Variants in RAB3C observed in about 807,000 individuals in gnomAD.
RAB3C encodes the protein ras-related protein Rab-3C.
RAB3C carries 17 observed loss-of-function variants against 26.4 expected under a neutral mutation model. The observed-to-expected ratio is 0.64, with a 90% confidence interval of 0.44 to 0.97. RAB3C has a LOEUF of 0.97. RAB3C is among the 50% of genes least tolerant of loss of function. The pLI is 0.00. For missense variants in RAB3C, 242 were observed against 281.9 expected, an observed-to-expected ratio of 0.86 and a Z score of 1.01; for synonymous variants, 91 against 95.9, an observed-to-expected ratio of 0.95 and a Z score of 0.30.
chr5:58,738,409 A>G (rs1330813586), intron 3 of RAB3C, among the ~76,000 whole-genome samples: 1 of 152,176 alleles, frequency 6.6e-6, no homozygotes, highest in African/African-American at 2.4e-5. Flanking sequence ...GTGTGTGTGC[A>G]TGTGCATGTG....
At chr5:58,766,064 T>G (rs914190565) in intron 3 of RAB3C, among the ~76,000 whole-genome samples, 5 of 152,096 alleles carry the variant, frequency 3.3e-5, no homozygotes, top group African/African-American at 1.2e-4. Context: ...CTGTATGGCT[T>G]GTGGAACTGT....
intron 2 of RAB3C, among the ~76,000 whole-genome samples, chr5:58,725,549 T>C (rs143578100): frequency 2.1e-3 from 324 of 152,046 alleles, no homozygotes; most frequent in Middle Eastern, 6.8e-3. Context: ...CTCTTTTGAA[T>C]GCCAATAATT....
At chr5:58,722,385 C>T (rs939617011) in intron 2 of RAB3C, among the ~76,000 whole-genome samples, 5 of 150,782 alleles carry the variant, frequency 3.3e-5, no homozygotes, top group Non-Finnish European at 7.4e-5. Context: ...GGGGTCCCAA[C>T]CTGTAAGAAT....
chr5:58,797,014 C>CACACACACA (rs1561133214), intron 3 of RAB3C, among the ~76,000 whole-genome samples: 2 of 149,432 alleles, frequency 1.3e-5, no homozygotes, highest in Non-Finnish European at 3.0e-5. Flanking sequence ...CACACACACA[C>CACACACACA]CTACCTTCCC....
In RAB3C at chr5:58,859,145, A is replaced by G. The variant is rs1183702117; in HGVS notation, c.*7794A>G. ...AGTGACCGACATTTAGTTGAAAACT[A>G]CTGCTGCATAGCAAATATTGTGACT... is the stretch of plus-strand genomic sequence containing the variant. On this transcript the variant is annotated 3_prime_UTR_variant, in exon 5 of 5. Coordinates refer to ENST00000282878, the MANE Select transcript of RAB3C (RefSeq NM_138453.4). The G allele has an allele frequency of 1.1e-4, 17 of 152,226 alleles. No individual in the cohort carries two copies. The allele number at this position is 152,226 out of a possible 1,614,324, so 9.4% of individuals were successfully genotyped here.
intron 3 of RAB3C, among the ~76,000 whole-genome samples, chr5:58,766,119 C>CTTTT (rs35659245): frequency 1.4e-5 from 2 of 138,440 alleles, no homozygotes; most frequent in African/African-American, 5.4e-5. Context: ...TCAGGTAATT[C>CTTTT]TTTTTTTTTT....
chr5:58,858,777 C>T lies in RAB3C; in HGVS notation c.*7426C>T, dbSNP rs1207518533. The T allele has an allele frequency of 6.6e-6, 1 of 152,174 alleles. No individual in the cohort carries two copies. Among genetic ancestry groups the T allele is most frequent in the African/African-American group, 2.4e-5 (1 of 41,456 alleles). 9.4% of individuals were successfully genotyped at this position (152,174 alleles called of 1,614,324 possible). On this transcript the variant is annotated 3_prime_UTR_variant, in exon 5 of 5. Coordinates refer to ENST00000282878, the MANE Select transcript of RAB3C (RefSeq NM_138453.4). ...AAATTACCCCAGTTTAGCTCCCTACCTTTTAGTCTCCGTGAGGAAGACAAG... is the reference window on the plus strand; with the variant it reads ...AAATTACCCCAGTTTAGCTCCCTACTTTTTAGTCTCCGTGAGGAAGACAAG...
intron 3 of RAB3C, among the ~76,000 whole-genome samples, chr5:58,821,226 C>T (rs1743334558): frequency 6.6e-6 from 1 of 152,198 alleles, no homozygotes; most frequent in South Asian, 2.1e-4. Context: ...ACTAATCTCA[C>T]TCTGGGTATC....
intron 2 of RAB3C, among the ~76,000 whole-genome samples, chr5:58,679,945 C>T (rs748568168): frequency 1.1e-4 from 17 of 152,150 alleles, no homozygotes; most frequent in Non-Finnish European, 2.5e-4. Context: ...TTCAGTTTGT[C>T]AGCAGATTTT....
chr5:58,708,036 G>A (rs1002597427), intron 2 of RAB3C, among the ~76,000 whole-genome samples: 2 of 150,816 alleles, frequency 1.3e-5, no homozygotes, highest in African/African-American at 4.9e-5. Context: ...TGTTGCCCAG[G>A]CTGGAATGCA....
Position 58,805,098 on chromosome 5 carries a change from A to G in RAB3C, c.372-19940A>G, listed in dbSNP as rs1742906423. Among the ~76,000 whole-genome samples the G allele has an allele frequency of 1.3e-5, 2 of 152,152 alleles. 1 individual carries two copies. The highest frequency in any genetic ancestry group is 4.1e-4 in the South Asian group (2 of 4,824). Reference sequence around the variant, plus strand: ...CATTTTCACCAAAGTGTACTCATTCATTCATTCATTTATTCAATTATAAAC... The same window carrying G: ...CATTTTCACCAAAGTGTACTCATTCGTTCATTCATTTATTCAATTATAAAC... On this transcript the variant is annotated intron_variant, in intron 3 of 4. Transcript: ENST00000282878.
chr5:58,681,512 T>G (rs912186877), intron 2 of RAB3C, among the ~76,000 whole-genome samples: 1 of 152,250 alleles, frequency 6.6e-6, no homozygotes, highest in Non-Finnish European at 1.5e-5. Flanking sequence ...AAAATTAAGA[T>G]GAAGTGTCAT....
intron 1 of RAB3C, among the ~76,000 whole-genome samples, chr5:58,607,109 A>C (rs1476135919): frequency 6.6e-6 from 1 of 152,174 alleles, no homozygotes; most frequent in Non-Finnish European, 1.5e-5. Context: ...AATAACAAAC[A>C]TCTCTGAGCT....
chr5:58,679,075 C>T (rs1002956443), intron 2 of RAB3C, among the ~76,000 whole-genome samples: 2 of 152,122 alleles, frequency 1.3e-5, no homozygotes, highest in African/African-American at 4.8e-5. Flanking sequence ...AGAACAGAGA[C>T]ACAGTGTCAA....
intron 4 of RAB3C, among the ~76,000 whole-genome samples, chr5:58,840,025 A>T (rs1299395973): frequency 6.6e-6 from 1 of 151,502 alleles, no homozygotes; most frequent in Non-Finnish European, 1.5e-5. Context: ...ATGTGACTTG[A>T]TGCTTTCTCT....
At chr5:58,823,130 A>C in intron 3 of RAB3C, 2 of 418,100 alleles carry the variant, frequency 4.8e-6, no homozygotes, top group East Asian at 5.6e-5. Flanking sequence ...TGCAGATTAC[A>C]TGCATTACCT....
chr5:58,813,592 TTATATATATA>T (rs869039335), intron 3 of RAB3C, among the ~76,000 whole-genome samples: 2,467 of 47,622 alleles, frequency 0.052, 62 homozygotes, highest in African/African-American at 0.13. Flanking sequence ...ATATTTATAT[TTATATATATA>T]TATATATATA....
chr5:58,839,967 A>AC (rs1743841811), intron 4 of RAB3C, among the ~76,000 whole-genome samples: 3 of 149,810 alleles, frequency 2.0e-5, no homozygotes, highest in Non-Finnish European at 4.4e-5. Context: ...CCTGTCCTAT[A>AC]GGGGTTCTGT....
intron 3 of RAB3C, among the ~76,000 whole-genome samples, chr5:58,782,387 T>A (rs537136003): frequency 8.5e-5 from 13 of 152,276 alleles, no homozygotes; most frequent in African/African-American, 3.1e-4. Context: ...CCAAATCTTT[T>A]CTCTTAGGTT....
Sources: gnomAD v4.1 joint callset for allele counts (sites outside exome capture counted in the v4.1 genomes callset) on GRCh38, gnomAD v4.1.1 for gene constraint, MANE v1.5 for transcripts, NCBI Gene and HGNC (gene_info 2026-07-23, HGNC 2026-07-21) for gene names.